BCHE: variants seen among roughly 807,000 people sequenced by gnomAD.
BCHE encodes the protein butyrylcholinesterase.
Under a neutral mutation model 51.3 loss-of-function variants are expected in BCHE, and 48 were observed. The ratio of observed to expected loss-of-function variants is 0.94; its 90% CI spans 0.74 to 1.19. The LOEUF is 1.19. Ranked by LOEUF, BCHE falls within the 50% of genes most tolerant of loss-of-function variation. The probability of loss-of-function intolerance (pLI) is 0.00; values close to 1 mark genes in which losing one functional copy is unlikely to be tolerated. For synonymous variants in BCHE, 251 were observed against 238.0 expected, an observed-to-expected ratio of 1.05 and a Z score of -0.50; for missense variants, 847 against 708.2, an observed-to-expected ratio of 1.20 and a Z score of -2.23.
At chr3:165,815,899 G>A (rs1714296619) in intron 2 of BCHE, among the ~76,000 whole-genome samples, 1 of 151,938 alleles carries the variant, frequency 6.6e-6, no homozygotes, top group African/African-American at 2.4e-5. Context: ...CTTATGAGAA[G>A]TTATTTTCCC....
intron 3 of BCHE, among the ~76,000 whole-genome samples, chr3:165,778,915 AT>A (rs59808331): frequency 0.65 from 98,620 of 151,834 alleles, 33,543 homozygotes; most frequent in East Asian, 0.8. Flanking sequence ...TCTATTTATA[AT>A]TTTTTTTCTC....
At chr3:165,792,414 T>A (rs906581068) in intron 2 of BCHE, among the ~76,000 whole-genome samples, 31 of 152,176 alleles carry the variant, frequency 2.0e-4, no homozygotes, top group African/African-American at 6.8e-4. Flanking sequence ...GATTATATGC[T>A]AATAAAATAA....
intron 2 of BCHE, among the ~76,000 whole-genome samples, chr3:165,801,784 A>T (rs1251212810): frequency 1.3e-5 from 2 of 152,136 alleles, no homozygotes; most frequent in African/African-American, 4.8e-5. Flanking sequence ...AGTTCCCAAG[A>T]CATAAGCTCA....
At position 165,830,345 on chromosome 3, in the gene BCHE, G is replaced by A. The variant is rs1714916876; in HGVS notation, c.689C>T (p.Ala230Val). 6 of 1,613,846 alleles carry A rather than the reference G, an allele frequency of 3.7e-6. No individual in the cohort carries two copies. In the Admixed American group the frequency reaches 1.0e-4, roughly 27 times the overall value. The stretch of plus-strand genomic sequence containing the variant: ...AGAAAGCAAATGCAGGCTAACTGAA[G>A]CTGCTCCTGCACTTTCTCCAAAGAG... ...VTLFGESAGA[A>V]SVSLHLLSPG... Residue 230 changes from alanine to valine, a missense_variant, in exon 2 of 4, where the codon GCT (alanine) becomes GTT (valine). Coordinates refer to ENST00000264381, the MANE Select transcript of BCHE (RefSeq NM_000055.4).
At chr3:165,788,618 G>A (rs1208580605) in intron 2 of BCHE, among the ~76,000 whole-genome samples, 1 of 152,052 alleles carries the variant, frequency 6.6e-6, no homozygotes, top group Non-Finnish European at 1.5e-5. Context: ...CAATTCTTAT[G>A]TTCCTAAATT....
intron 2 of BCHE, among the ~76,000 whole-genome samples, chr3:165,826,952 C>G (rs763501546): frequency 1.3e-5 from 2 of 152,024 alleles, no homozygotes; most frequent in Non-Finnish European, 2.9e-5. Context: ...AGTACTGACA[C>G]TCAAAAAGGG....
At chr3:165,788,388 A>T (rs920002201) in intron 2 of BCHE, among the ~76,000 whole-genome samples, 11 of 152,090 alleles carry the variant, frequency 7.2e-5, no homozygotes, top group African/African-American at 2.7e-4. Context: ...AATCAGAGCT[A>T]TTCAAGCTAA....
chr3:165,816,479 G>A (rs55639446), intron 2 of BCHE, among the ~76,000 whole-genome samples: 14,625 of 150,880 alleles, frequency 0.097, 764 homozygotes, highest in Admixed American at 0.15. Flanking sequence ...ATCCACTTTA[G>A]AGTAATGCTC....
chr3:165,779,837 C>A (rs1712615872), intron 3 of BCHE, among the ~76,000 whole-genome samples: 1 of 152,024 alleles, frequency 6.6e-6, no homozygotes, highest in Admixed American at 6.6e-5. Flanking sequence ...GCCATACTGC[C>A]CAAATTAATT....
intron 2 of BCHE, among the ~76,000 whole-genome samples, chr3:165,828,580 T>C (rs535701181): frequency 1.3e-5 from 2 of 152,160 alleles, no homozygotes; most frequent in Non-Finnish European, 2.9e-5. Flanking sequence ...GATAGTGTGA[T>C]AGACTGAATT....
intron 1 of BCHE, among the ~76,000 whole-genome samples, chr3:165,835,155 ACT>A (rs1484760463): frequency 5.3e-5 from 8 of 150,556 alleles, no homozygotes; most frequent in Non-Finnish European, 1.2e-4. Flanking sequence ...AAAATGCTAA[ACT>A]GTTATAACAA....
chr3:165,821,474 C>A (rs561573132), intron 2 of BCHE, among the ~76,000 whole-genome samples: 1 of 151,040 alleles, frequency 6.6e-6, no homozygotes, highest in Non-Finnish European at 1.5e-5. Context: ...AGAAAATATA[C>A]CCATTTGGGA....
chr3:165,786,118 A>G, intron 3 of BCHE, 27 bp downstream of exon 3: 1 of 1,603,024 alleles, frequency 6.2e-7, no homozygotes, highest in Non-Finnish European at 8.5e-7. Flanking sequence ...CATCTATTAA[A>G]TAACCAAACA....
At chr3:165,818,546 T>C (rs1316143460) in intron 2 of BCHE, among the ~76,000 whole-genome samples, 1 of 152,178 alleles carries the variant, frequency 6.6e-6, no homozygotes, top group Non-Finnish European at 1.5e-5. Context: ...AGTAGCTTTC[T>C]TTGTAAAATA....
chr3:165,812,246 A>G (rs1187016057), intron 2 of BCHE, among the ~76,000 whole-genome samples: 1 of 150,700 alleles, frequency 6.6e-6, no homozygotes, highest in African/African-American at 2.4e-5. Flanking sequence ...TTAGACATCA[A>G]TCTATCAATG....
At chr3:165,793,601 A>G (rs993304128) in intron 2 of BCHE, among the ~76,000 whole-genome samples, 3 of 152,238 alleles carry the variant, frequency 2.0e-5, no homozygotes, top group Non-Finnish European at 4.4e-5. Flanking sequence ...AAATGTTCAC[A>G]TTTAAAAACT....
intron 3 of BCHE, among the ~76,000 whole-genome samples, chr3:165,779,241 T>C (rs1295772665): frequency 6.6e-6 from 1 of 152,136 alleles, no homozygotes; most frequent in African/African-American, 2.4e-5. Context: ...TGTTAAAAAT[T>C]CTCAATAAAC....
chr3:165,775,474 A>C (rs1712434964), intron 3 of BCHE, among the ~76,000 whole-genome samples: 1 of 151,750 alleles, frequency 6.6e-6, no homozygotes, highest in Admixed American at 6.6e-5. Flanking sequence ...TCTTTTAAAA[A>C]ATAACAAAAT....
chr3:165,809,558 T>A (rs1714000200), intron 2 of BCHE, among the ~76,000 whole-genome samples: 1 of 152,180 alleles, frequency 6.6e-6, no homozygotes, highest in Admixed American at 6.5e-5. Context: ...TATGTCTATA[T>A]AATCCTACAT....
Sources: allele counts gnomAD v4.1 joint callset (sites outside exome capture counted in the v4.1 genomes callset), GRCh38; gene constraint gnomAD v4.1.1; transcripts MANE v1.5; gene names NCBI Gene and HGNC (gene_info 2026-07-23, HGNC 2026-07-21).